The following KPNA6 variants were observed in gnomAD, a reference collection of about 807,000 sequenced individuals.
KPNA6 encodes the protein karyopherin subunit alpha 6, also known as importin subunit alpha-7.
KPNA6 carries 9 observed loss-of-function variants against 72.0 expected under a neutral mutation model. That is an observed-to-expected ratio of 0.13 (90% CI 0.08 to 0.22). The LOEUF is 0.22. Ranked by LOEUF, KPNA6 falls within the 10% of genes least tolerant of loss-of-function variation. The pLI, the probability that KPNA6 is intolerant of heterozygous loss-of-function variation, is 1.00. For synonymous variants in KPNA6, 219 were observed against 242.1 expected (o/e 0.90, Z 0.89); for missense variants, 374 against 655.7 (o/e 0.57, Z 4.69).
At chr1:32,143,036 C>G in intron 1 of KPNA6, 1 of 1,264,882 alleles carries the variant, frequency 7.9e-7, no homozygotes, top group East Asian at 5.6e-5. Flanking sequence ...TAATAGGGGA[C>G]AGCAGTTCAT....
intron 12 of KPNA6, among the ~76,000 whole-genome samples, chr1:32,168,331 A>G (rs1298549857): frequency 6.6e-6 from 1 of 152,220 alleles, no homozygotes; most frequent in Non-Finnish European, 1.5e-5. Flanking sequence ...CTGGGGTTAC[A>G]GGCACGTGCC....
At chr1:32,151,324 A>G (rs1347250638) in intron 1 of KPNA6, among the ~76,000 whole-genome samples, 1 of 152,110 alleles carries the variant, frequency 6.6e-6, no homozygotes, top group Non-Finnish European at 1.5e-5. Flanking sequence ...ATCAGGGAGA[A>G]ATCCCCATTC....
chr1:32,124,079 G>C (rs1213609094), intron 1 of KPNA6, among the ~76,000 whole-genome samples: 1 of 147,948 alleles, frequency 6.8e-6, no homozygotes, highest in East Asian at 2.0e-4. Context: ...AAAATTTTTA[G>C]GTTAAAAATT....
At chr1:32,133,335 C>A (rs1018599124) in intron 1 of KPNA6, among the ~76,000 whole-genome samples, 102 of 150,908 alleles carry the variant, frequency 6.8e-4, no homozygotes, top group Admixed American at 6.7e-3. Context: ...CAGAGCAAGA[C>A]CTTGTCTTAA....
intron 1 of KPNA6, among the ~76,000 whole-genome samples, chr1:32,116,549 T>G (rs1380290176): frequency 6.6e-6 from 1 of 152,010 alleles, no homozygotes; most frequent in African/African-American, 2.4e-5. Context: ...TTCTAGCTAT[T>G]TGGGAGGCTG....
At chr1:32,115,467 T>C (rs183201164) in intron 1 of KPNA6, among the ~76,000 whole-genome samples, 7 of 152,154 alleles carry the variant, frequency 4.6e-5, no homozygotes, top group African/African-American at 1.4e-4. Flanking sequence ...TTTTTGTCTG[T>C]CACCCAGGCT....
At chr1:32,126,969 A>T (rs765022112) in intron 1 of KPNA6, among the ~76,000 whole-genome samples, 2 of 152,106 alleles carry the variant, frequency 1.3e-5, no homozygotes, top group African/African-American at 4.8e-5. Context: ...TTTCCCTTAT[A>T]AGGAATTTAG....
At chr1:32,113,683 C>T (rs1366042260) in intron 1 of KPNA6, among the ~76,000 whole-genome samples, 5 of 152,110 alleles carry the variant, frequency 3.3e-5, no homozygotes, top group Non-Finnish European at 7.4e-5. Context: ...AAGTGATCTT[C>T]CTGCCTTAGC....
chr1:32,172,892 T>C lies in KPNA6; in HGVS notation c.*1998T>C, dbSNP rs1166478466. ...GGTGAAATCCATGCCCTTCTGCTTA[T>C]AGACCTAAAGTTCAGGTACTTATTA... On this transcript the variant is annotated 3_prime_UTR_variant, in exon 14 of 14. Transcript: ENST00000373625. 5 of 393,560 alleles carry C rather than the reference T, an allele frequency of 1.3e-5. No homozygotes were observed. Among genetic ancestry groups the C allele is most frequent in the Non-Finnish European group, 2.2e-5 (5 of 223,586 alleles). The allele number at this position is 393,560 out of a possible 1,614,324, so 24.4% of individuals were successfully genotyped here.
intron 1 of KPNA6, among the ~76,000 whole-genome samples, chr1:32,131,758 A>G (rs1641642100): frequency 6.6e-6 from 1 of 150,434 alleles, no homozygotes; most frequent in Non-Finnish European, 1.5e-5. Flanking sequence ...AGTGGCCCAC[A>G]CCTATAATTC....
At chr1:32,170,685 T>C in intron 13 of KPNA6, 22 bp from the exon 14 acceptor site, 1 of 1,603,780 alleles carries the variant, frequency 6.2e-7, no homozygotes, top group Non-Finnish European at 8.5e-7. Context: ...CACTTCCCTC[T>C]CCTTCCTTCT....
chr1:32,139,293 A>C (rs1641796827), intron 1 of KPNA6, among the ~76,000 whole-genome samples: 1 of 152,156 alleles, frequency 6.6e-6, no homozygotes, highest in South Asian at 2.1e-4. Flanking sequence ...AAAATAGGGT[A>C]ACTTACTTTG....
intron 1 of KPNA6, among the ~76,000 whole-genome samples, chr1:32,126,488 G>T (rs2124531088): frequency 6.6e-6 from 1 of 152,208 alleles, no homozygotes; most frequent in East Asian, 1.9e-4. Flanking sequence ...GGGTTCAAGT[G>T]ATTCTTCTGC....
At chr1:32,169,849 T>C (rs781141980) in intron 12 of KPNA6, 33 bp from the exon 13 acceptor site, 1 of 1,601,256 alleles carries the variant, frequency 6.2e-7, no homozygotes, top group Non-Finnish European at 8.5e-7. Context: ...TGTCCTGTAC[T>C]AGTTTAGCAC....
At chr1:32,161,835 A>C in intron 7 of KPNA6, 112 bp from the exon 8 acceptor site, 1 of 765,348 alleles carries the variant, frequency 1.3e-6, no homozygotes, top group Non-Finnish European at 2.2e-6. Flanking sequence ...GAGTAGGAAG[A>C]AACAGGCTGC....
intron 1 of KPNA6, among the ~76,000 whole-genome samples, chr1:32,123,030 G>C (rs1163173420): frequency 6.6e-6 from 1 of 152,026 alleles, no homozygotes; most frequent in African/African-American, 2.4e-5. Context: ...TAATGTCTAG[G>C]CAAGAGATTA....
At chr1:32,161,433 C>T (rs1436498901) in intron 7 of KPNA6, among the ~76,000 whole-genome samples, 1 of 152,198 alleles carries the variant, frequency 6.6e-6, no homozygotes, top group East Asian at 1.9e-4. Context: ...CCTCCGTACC[C>T]TTAGAGTAAA....
At chr1:32,166,057 A>T (rs1642332142) in intron 10 of KPNA6, 48 bp from the exon 11 acceptor site, 3 of 1,553,488 alleles carry the variant, frequency 1.9e-6, no homozygotes, top group Non-Finnish European at 1.7e-6. Flanking sequence ...AAAAAAAATT[A>T]AAAACAGTTT....
intron 12 of KPNA6, 84 bp from the exon 13 acceptor site, chr1:32,169,798 T>G: frequency 8.4e-7 from 1 of 1,186,956 alleles, no homozygotes; most frequent in Non-Finnish European, 1.2e-6. Flanking sequence ...TTAGTAAGAG[T>G]GGGTTGCTGA....
Sources: allele counts gnomAD v4.1 joint callset (sites outside exome capture counted in the v4.1 genomes callset), GRCh38; gene constraint gnomAD v4.1.1; transcripts MANE v1.5; gene names NCBI Gene and HGNC (gene_info 2026-07-23, HGNC 2026-07-21).